The following VAV3 variants were observed in gnomAD, a reference collection of about 807,000 sequenced individuals.
The protein encoded by VAV3 is vav guanine nucleotide exchange factor 3, also known as guanine nucleotide exchange factor VAV3.
Under a neutral mutation model 131.2 loss-of-function variants are expected in VAV3, and 94 were observed. That is an observed-to-expected ratio of 0.72 (90% CI 0.61 to 0.85). The LOEUF (loss-of-function observed/expected upper bound fraction) is 0.85. Ranked by LOEUF, VAV3 falls within the 40% of genes least tolerant of loss-of-function variation. VAV3 has a pLI of 0.00. For synonymous variants in VAV3, 349 were observed against 342.0 expected (o/e 1.02, Z -0.22); for missense variants, 939 against 1,002.7 (o/e 0.94, Z 0.86).
intron 2 of VAV3, among the ~76,000 whole-genome samples, chr1:107,805,017 G>A (rs1445731815): frequency 6.6e-6 from 1 of 151,874 alleles, no homozygotes; most frequent in African/African-American, 2.4e-5. Flanking sequence ...GTTTTCTGTT[G>A]AGAAGTCTGT....
Position 107,964,899 on chromosome 1 carries a change from G to A in VAV3, c.-30C>T. ...GACGGCTCCGGGACGCGGCTGGGCC[G>A]GGGCGGGCGGCAAGGATGCGGCCGC... On this transcript the variant is annotated 5_prime_UTR_variant, in exon 1 of 27. Coordinates refer to ENST00000370056, the MANE Select transcript of VAV3 (RefSeq NM_006113.5). 4.4e-6 allele frequency: 6 copies of A among 1,351,934 alleles called. No homozygotes were observed. The highest frequency in any genetic ancestry group is 2.2e-5 in the South Asian group (1 of 46,330). The allele number at this position is 1,351,934 out of a possible 1,614,324, so 83.7% of individuals were successfully genotyped here.
At chr1:107,899,062 T>C (rs1421733053) in intron 1 of VAV3, among the ~76,000 whole-genome samples, 2 of 152,228 alleles carry the variant, frequency 1.3e-5, no homozygotes, top group East Asian at 1.9e-4. Context: ...TTCAAGTATA[T>C]GATGAAGATG....
intron 9 of VAV3, among the ~76,000 whole-genome samples, chr1:107,762,389 C>T (rs900528064): frequency 1.3e-5 from 2 of 152,188 alleles, no homozygotes; most frequent in African/African-American, 4.8e-5. Flanking sequence ...CTGTCTACAG[C>T]TATCAGTCAA....
In VAV3 at chr1:107,779,445, G is replaced by T; in HGVS notation, c.369C>A (p.Ala123=). ...SRLSRTPIAL[A]TGIRPFPTEE... The stretch of plus-strand genomic sequence containing the variant: ...AAAACAGAGCTTACCTGATTCCTGT[G>T]GCCAATGCTATAGGTGTTCGAGAAA... Residue 123 remains alanine, a synonymous_variant, in exon 3 of 27, where the codon GCC becomes GCA. Coordinates refer to ENST00000370056, the MANE Select transcript of VAV3 (RefSeq NM_006113.5). 6.3e-7 allele frequency: 1 copy of T among 1,589,494 alleles called. No homozygotes were observed. Among genetic ancestry groups the T allele is most frequent in the Non-Finnish European group, 8.6e-7 (1 of 1,167,780 alleles).
At chr1:107,928,698 A>T (rs1673276452) in intron 1 of VAV3, among the ~76,000 whole-genome samples, 1 of 152,206 alleles carries the variant, frequency 6.6e-6, no homozygotes, top group Non-Finnish European at 1.5e-5. Context: ...GAAAATACAC[A>T]GTCAGAGGAG....
At chr1:107,926,677 T>C (rs1231900976) in intron 1 of VAV3, among the ~76,000 whole-genome samples, 10 of 152,114 alleles carry the variant, frequency 6.6e-5, no homozygotes, top group Admixed American at 5.9e-4. Context: ...TTTAACTCAG[T>C]GTTGCCCCAT....
intron 1 of VAV3, chr1:107,964,396 C>T: frequency 2.6e-6 from 1 of 388,792 alleles, no homozygotes; most frequent in Non-Finnish European, 4.7e-6. Context: ...CACCCTAAGA[C>T]AACTTATTTC....
intron 15 of VAV3, among the ~76,000 whole-genome samples, chr1:107,746,276 A>G (rs1320547787): frequency 2.6e-5 from 4 of 152,198 alleles, no homozygotes; most frequent in South Asian, 4.1e-4. Context: ...TTATTTAACC[A>G]TATATAATAT....
At chr1:107,924,047 G>A (rs760973078) in intron 1 of VAV3, among the ~76,000 whole-genome samples, 5 of 152,072 alleles carry the variant, frequency 3.3e-5, no homozygotes, top group African/African-American at 7.2e-5. Flanking sequence ...AACCAAAACA[G>A]TACTGTTTTG....
chr1:107,854,447 C>CA (rs967704463), intron 2 of VAV3, among the ~76,000 whole-genome samples: 136 of 152,280 alleles, frequency 8.9e-4, no homozygotes, highest in African/African-American at 3.1e-3. Flanking sequence ...ATGGCTTCAA[C>CA]AAAAAACAAT....
At chr1:107,654,801 G>C (rs1656421841) in intron 19 of VAV3, among the ~76,000 whole-genome samples, 1 of 151,946 alleles carries the variant, frequency 6.6e-6, no homozygotes, top group Non-Finnish European at 1.5e-5. Context: ...AAAGCTTAGA[G>C]TCTAACAGGG....
chr1:107,672,925 A>G (rs927412182), intron 19 of VAV3, among the ~76,000 whole-genome samples: 2 of 152,206 alleles, frequency 1.3e-5, no homozygotes, highest in Admixed American at 6.5e-5. Context: ...TACCCCAATA[A>G]TATGTGGGGA....
intron 2 of VAV3, among the ~76,000 whole-genome samples, chr1:107,795,738 G>A (rs1348079343): frequency 6.6e-6 from 1 of 152,222 alleles, no homozygotes; most frequent in Non-Finnish European, 1.5e-5. Flanking sequence ...TAATAGTTTA[G>A]AAACAGAAAT....
intron 2 of VAV3, among the ~76,000 whole-genome samples, chr1:107,837,111 A>C (rs551810700): frequency 1.3e-5 from 2 of 151,992 alleles, no homozygotes; most frequent in South Asian, 4.1e-4. Context: ...GCAAAAAAAA[A>C]CAAAACGAAA....
At chr1:107,617,439 G>C (rs886711237) in intron 21 of VAV3, 128 bp downstream of exon 21, 4 of 699,770 alleles carry the variant, frequency 5.7e-6, no homozygotes, top group Admixed American at 6.6e-5. Flanking sequence ...TGAAAATAAT[G>C]ATTCTTCCAG....
intron 16 of VAV3, 140 bp from the exon 17 acceptor site, chr1:107,704,790 C>T: frequency 2.0e-6 from 2 of 980,098 alleles, no homozygotes; most frequent in Non-Finnish European, 3.0e-6. Flanking sequence ...CTTGCCAGAG[C>T]TTCTGAAAGG....
intron 2 of VAV3, among the ~76,000 whole-genome samples, chr1:107,801,727 C>G (rs975861420): frequency 2.6e-5 from 4 of 152,146 alleles, no homozygotes; most frequent in Admixed American, 6.5e-5. Flanking sequence ...GTTCTGACCA[C>G]AAGGCACCCC....
chr1:107,753,529 T>TATATATATATATATATATACATAC (rs1557822028), intron 12 of VAV3, among the ~76,000 whole-genome samples: 1 of 19,412 alleles, frequency 5.2e-5, no homozygotes, highest in Non-Finnish European at 1.3e-4. Flanking sequence ...TATATATACG[T>TATATATATATATATATATACATAC]ATATATATAT....
At chr1:107,795,017 A>G in intron 2 of VAV3, among the ~76,000 whole-genome samples, 1 of 152,194 alleles carries the variant, frequency 6.6e-6, no homozygotes, top group East Asian at 1.9e-4. Context: ...CACCTAGAAG[A>G]ATGGATATAG....
Sources: allele counts gnomAD v4.1 joint callset (sites outside exome capture counted in the v4.1 genomes callset), GRCh38; gene constraint gnomAD v4.1.1; transcripts MANE v1.5; gene names NCBI Gene and HGNC (gene_info 2026-07-23, HGNC 2026-07-21).